SEC62: variants seen among roughly 807,000 people sequenced by gnomAD.
The protein encoded by SEC62 is translocation protein SEC62.
SEC62 carries 10 observed loss-of-function variants against 47.5 expected under a neutral mutation model. The observed-to-expected ratio is 0.21, with a 90% CI of 0.13 to 0.36. The LOEUF is 0.36. SEC62 is among the 10% of genes least tolerant of loss of function. The pLI is 1.00. For synonymous variants in SEC62, 136 were observed against 150.5 expected (o/e 0.90, Z 0.71); for missense variants, 327 against 464.1 (o/e 0.70, Z 2.71).
At chr3:169,980,137 A>C (rs1330846604) in intron 3 of SEC62, among the ~76,000 whole-genome samples, 1 of 152,242 alleles carries the variant, frequency 6.6e-6, no homozygotes, top group Admixed American at 6.5e-5. Flanking sequence ...CTGATCTGTT[A>C]GGGAAGATTT....
chr3:169,988,459 G>A (rs951937270), intron 7 of SEC62, 100 bp downstream of exon 7: 1 of 1,310,988 alleles, frequency 7.6e-7, no homozygotes, highest in African/African-American at 1.5e-5. Context: ...ATTAATGGAG[G>A]TAAATCAAGA....
chr3:169,976,891 G>C lies in SEC62; in HGVS notation c.146-55G>C, dbSNP rs148088294. On this transcript the variant is annotated intron_variant, in intron 2 of 7. Transcript: ENST00000337002. ...ATTTTACTTTATAAAATATTATTTA[G>C]ATAGACATAAATCCCCATGTATGCT... is the stretch of plus-strand genomic sequence containing the variant. 450 of 1,190,124 alleles carry C rather than the reference G, an allele frequency of 3.8e-4. 2 individuals carry two copies. In the African/African-American group the frequency reaches 6.2e-3, roughly 16 times the overall value. The allele number at this position is 1,190,124 out of a possible 1,614,324, so 73.7% of individuals were successfully genotyped here.
At chr3:169,968,068 G>A (rs1263718610) in intron 1 of SEC62, among the ~76,000 whole-genome samples, 4 of 152,138 alleles carry the variant, frequency 2.6e-5, no homozygotes. Flanking sequence ...ATTAGAAAGA[G>A]GCAGATTTCG....
chr3:169,967,001 A>T, intron 1 of SEC62, 143 bp downstream of exon 1: 1 of 1,009,790 alleles, frequency 9.9e-7, no homozygotes, highest in Non-Finnish European at 1.4e-6. Context: ...AGCTGGCTGC[A>T]GGCTGCGCGT....
At chr3:169,973,614 G>C (rs1398926864) in intron 1 of SEC62, among the ~76,000 whole-genome samples, 2 of 149,572 alleles carry the variant, frequency 1.3e-5, no homozygotes, top group African/African-American at 2.5e-5. Context: ...AGTGAGATGA[G>C]ATAGCACCAT....
At position 169,993,284 on chromosome 3, in the gene SEC62, T is replaced by C. The variant is rs1715291408; in HGVS notation, c.*221T>C. 2.3e-6 allele frequency: 1 copy of C among 433,482 alleles called. No individual in the cohort carries two copies. The highest frequency in any genetic ancestry group is 3.8e-5 in the East Asian group (1 of 26,224). The allele number at this position is 433,482 out of a possible 1,614,324, so 26.9% of individuals were successfully genotyped here. A position where few individuals can be genotyped will look rare whatever the true frequency, so the allele number is the denominator to read the frequency against. On this transcript the variant is annotated 3_prime_UTR_variant, in exon 8 of 8. Transcript: ENST00000337002. Reference sequence around the variant, plus strand: ...TTAATATGTTTTATCCATTTGATAATTTTACAGTAAGTAGGTCTCATTCAT... The same window carrying C: ...TTAATATGTTTTATCCATTTGATAACTTTACAGTAAGTAGGTCTCATTCAT...
At chr3:169,975,775 T>A (rs1242517048) in intron 2 of SEC62, 59 bp downstream of exon 2, 2 of 1,185,760 alleles carry the variant, frequency 1.7e-6, no homozygotes, top group East Asian at 4.7e-5. Context: ...TAACCTACAT[T>A]TGGGATATGT....
Position 169,998,013 on chromosome 3 carries a change from G to C in SEC62, c.*4950G>C, listed in dbSNP as rs1401727779. The C allele has an allele frequency of 1.3e-5, 2 of 152,160 alleles. No homozygotes were observed. Among genetic ancestry groups the C allele is most frequent in the African/African-American group, 4.8e-5 (2 of 41,422 alleles). 9.4% of individuals were successfully genotyped at this position (152,160 alleles called of 1,614,324 possible). On this transcript the variant is annotated 3_prime_UTR_variant, in exon 8 of 8. Transcript: ENST00000337002. ...ATTTCTGTTGACAAAGTTACTGCTA[G>C]TACAACTGTGGATTGTTGTCTGCAC... is the stretch of plus-strand genomic sequence containing the variant.
intron 3 of SEC62, among the ~76,000 whole-genome samples, chr3:169,980,070 T>G (rs1183113130): frequency 6.6e-6 from 1 of 152,118 alleles, no homozygotes; most frequent in Admixed American, 6.5e-5. Context: ...CAACAAATAG[T>G]CTAGGCTCCA....
Position 169,975,591 on chromosome 3 carries a change from A to G in SEC62, c.37-17A>G, listed in dbSNP as rs749464670. ...TCAAGTATATGATTATACTAAATTA[A>G]TATTCATATGTTGCAGGAAGTTGGT... On this transcript the variant is annotated splice_polypyrimidine_tract_variant and intron_variant, in intron 1 of 7. Transcript: ENST00000337002. The G allele has an allele frequency of 5.5e-6, 8 of 1,464,710 alleles. No individual in the cohort carries two copies. The South Asian group carries it at 9.1e-5, about 17-fold the overall frequency. 90.7% of individuals were successfully genotyped at this position (1,464,710 alleles called of 1,614,324 possible).
rs2108282152 is a variant in SEC62 at position 169,976,934 on chromosome 3, TTTC to T, written c.146-6_146-4del. ...TGTATGCTAAATTTAAAATAATGAA[TTTC>T]TTCTTTAGCTTCAAAAGCAGTGGAC... On this transcript the variant is annotated splice_polypyrimidine_tract_variant and intron_variant, in intron 2 of 7. Transcript: ENST00000337002. The T allele has an allele frequency of 6.3e-7, 1 of 1,578,970 alleles. No homozygotes were observed. The highest frequency in any genetic ancestry group is 8.7e-7 in the Non-Finnish European group (1 of 1,155,684).
rs1463353670 is a variant in SEC62, at chr3:169,995,213, T to A, written c.*2150T>A. 6.6e-6 allele frequency: 1 copy of A among 152,116 alleles called. No individual in the cohort carries two copies. Among genetic ancestry groups the A allele is most frequent in the African/African-American group, 2.4e-5 (1 of 41,442 alleles). 9.4% of individuals were successfully genotyped at this position (152,116 alleles called of 1,614,324 possible). On this transcript the variant is annotated 3_prime_UTR_variant, in exon 8 of 8. Transcript: ENST00000337002. ...GCGATTTTTTTTTAAGAACTTCAGA[T>A]TTGCTATGCTGCTGTAAGTAGAAAG...
chr3:169,969,355 G>GTGAC, intron 1 of SEC62: 1 of 456,498 alleles, frequency 2.2e-6, no homozygotes, highest in Non-Finnish European at 4.4e-6. Flanking sequence ...TTCCTTCTTG[G>GTGAC]ACTCATTACT....
intron 1 of SEC62, among the ~76,000 whole-genome samples, chr3:169,973,601 T>C (rs1163380551): frequency 1.3e-5 from 2 of 150,866 alleles, no homozygotes; most frequent in Non-Finnish European, 2.9e-5. Flanking sequence ...AGGTGGGGGT[T>C]GCAGTGAGAT....
chr3:169,967,805 A>G (rs1331486019), intron 1 of SEC62, among the ~76,000 whole-genome samples: 5 of 152,158 alleles, frequency 3.3e-5, no homozygotes, highest in Non-Finnish European at 5.9e-5. Context: ...ATAAATTGTT[A>G]CATTCATCAT....
chr3:169,967,876 C>T (rs1409514685), intron 1 of SEC62, among the ~76,000 whole-genome samples: 1 of 143,602 alleles, frequency 7.0e-6, no homozygotes, highest in East Asian at 2.0e-4. Context: ...TCCATTTTAT[C>T]CCTTCTTTTT....
At chr3:169,968,359 T>C (rs1044499250) in intron 1 of SEC62, 5 of 152,114 alleles carry the variant, frequency 3.3e-5, no homozygotes, top group African/African-American at 1.2e-4. Context: ...GCTGCTCTTA[T>C]TTAGTTGTGA....
intron 1 of SEC62, among the ~76,000 whole-genome samples, chr3:169,970,170 T>C (rs986359612): frequency 6.6e-6 from 1 of 152,078 alleles, no homozygotes; most frequent in African/African-American, 2.4e-5. Flanking sequence ...AAGAATACAA[T>C]AGAAGGGAGT....
At chr3:169,978,968 G>A (rs1019590604) in intron 3 of SEC62, among the ~76,000 whole-genome samples, 58 of 152,276 alleles carry the variant, frequency 3.8e-4, no homozygotes, top group African/African-American at 1.3e-3. Context: ...AAATGACGAT[G>A]CATTTAATGG....
Sources: allele counts gnomAD v4.1 joint callset (sites outside exome capture counted in the v4.1 genomes callset), GRCh38; gene constraint gnomAD v4.1.1; transcripts MANE v1.5; gene names NCBI Gene and HGNC (gene_info 2026-07-23, HGNC 2026-07-21).